WDFY1: variants seen among roughly 807,000 people sequenced by gnomAD.
WDFY1 encodes WD repeat and FYVE domain containing 1.
Under a neutral mutation model 56.4 loss-of-function variants are expected in WDFY1, and 32 were observed. The ratio of observed to expected loss-of-function variants is 0.57; its 90% CI spans 0.43 to 0.76. WDFY1 has a LOEUF of 0.76. Ranked by LOEUF, WDFY1 falls within the 30% of genes least tolerant of loss-of-function variation. WDFY1 has a pLI of 0.00. For synonymous variants in WDFY1, 192 were observed against 197.3 expected (o/e 0.97, Z 0.23); for missense variants, 480 against 545.7 (o/e 0.88, Z 1.20).
At position 223,939,025 on chromosome 2, in the gene WDFY1, C is replaced by T. The variant is rs922436473; in HGVS notation, c.137+6123G>A. On this transcript the variant is annotated intron_variant, in intron 1 of 11. Transcript: ENST00000233055. ...GCACACTACCATGCCTGGCTAATTTCTGTATTCAGTATTCTTTCTTGGTGG... is the reference window on the plus strand; with the variant it reads ...GCACACTACCATGCCTGGCTAATTTTTGTATTCAGTATTCTTTCTTGGTGG... 8.8e-4 allele frequency among the ~76,000 whole-genome samples: 133 copies of T among 151,978 alleles called. 3 individuals carry two copies. The highest frequency in any genetic ancestry group is 8.8e-5 in the Non-Finnish European group (6 of 68,006).
intron 1 of WDFY1, 25 bp from the exon 2 acceptor site, chr2:223,918,035 TA>T (rs1559171693): frequency 6.2e-7 from 1 of 1,608,028 alleles, no homozygotes; most frequent in South Asian, 1.1e-5. Flanking sequence ...AAAGAAAAAA[TA>T]GAGTAGGTTT....
intron 5 of WDFY1, among the ~76,000 whole-genome samples, chr2:223,899,992 G>A (rs539905583): frequency 6.9e-4 from 105 of 152,158 alleles, no homozygotes; most frequent in African/African-American, 2.3e-3. Flanking sequence ...TATTTGTGGC[G>A]GTAGTACATT....
At chr2:223,914,759 T>G (rs1693760948) in intron 2 of WDFY1, among the ~76,000 whole-genome samples, 1 of 152,230 alleles carries the variant, frequency 6.6e-6, no homozygotes, top group Non-Finnish European at 1.5e-5. Context: ...CTTGCATAGC[T>G]GTTGTGATGG....
intron 1 of WDFY1, among the ~76,000 whole-genome samples, chr2:223,944,349 C>T (rs956951340): frequency 9.2e-5 from 14 of 152,376 alleles, no homozygotes; most frequent in Admixed American, 9.1e-4. Flanking sequence ...GAGTACCAGG[C>T]TAAACCCCGC....
chr2:223,889,836 TG>T (rs1382204161), intron 8 of WDFY1, among the ~76,000 whole-genome samples: 2 of 152,228 alleles, frequency 1.3e-5, no homozygotes, highest in Non-Finnish European at 2.9e-5. Context: ...ATACAATAAG[TG>T]ACATCTAAGT....
At position 223,875,943 on chromosome 2, in the gene WDFY1, T is replaced by G. The variant is rs947344528; in HGVS notation, c.*2728A>C. 1 of 152,160 alleles carries G rather than the reference T, an allele frequency of 6.6e-6. No individual in the cohort carries two copies. Among genetic ancestry groups the G allele is most frequent in the Non-Finnish European group, 1.5e-5 (1 of 68,028 alleles). 9.4% of individuals were successfully genotyped at this position (152,160 alleles called of 1,614,324 possible). A position where few individuals can be genotyped will look rare whatever the true frequency, so the allele number is the denominator to read the frequency against. On this transcript the variant is annotated 3_prime_UTR_variant, in exon 12 of 12. Transcript: ENST00000233055. ...TTTAAAAATATAGGTACTAACAAAC[T>G]GAATTCTTTCATGGGAGAACAAAGT...
chr2:223,908,975 C>A (rs1165599242), intron 3 of WDFY1, among the ~76,000 whole-genome samples: 1 of 152,176 alleles, frequency 6.6e-6, no homozygotes. Context: ...CATGATTTCA[C>A]ACTGGGGTCC....
rs780389787 is a variant in WDFY1 at position 223,882,087 on chromosome 2, G to C, written c.934-15C>G. 4 of 1,610,094 alleles carry C rather than the reference G, an allele frequency of 2.5e-6. No individual in the cohort carries two copies. The highest frequency in any genetic ancestry group is 3.4e-6 in the Non-Finnish European group (4 of 1,177,800). On this transcript the variant is annotated splice_polypyrimidine_tract_variant and intron_variant, in intron 9 of 11. Coordinates refer to ENST00000233055, the MANE Select transcript of WDFY1 (RefSeq NM_020830.5). Reference sequence around the variant, plus strand: ...CTGCAGTGATGCTTCACAGGTGACCGGGAGGAGGAAAACAGGGTGTTAGCT... The same window carrying C: ...CTGCAGTGATGCTTCACAGGTGACCCGGAGGAGGAAAACAGGGTGTTAGCT...
intron 8 of WDFY1, among the ~76,000 whole-genome samples, chr2:223,890,956 A>G (rs1217209151): frequency 6.6e-6 from 1 of 152,204 alleles, no homozygotes; most frequent in East Asian, 1.9e-4. Flanking sequence ...TAGTGGTTGA[A>G]GCCACAGTGG....
At chr2:223,892,852 A>G (rs935234014) in intron 8 of WDFY1, among the ~76,000 whole-genome samples, 4 of 152,248 alleles carry the variant, frequency 2.6e-5, no homozygotes, top group Admixed American at 2.6e-4. Context: ...TCAATAAGCC[A>G]TTTATTAAAT....
At chr2:223,915,605 T>C (rs1693773961) in intron 2 of WDFY1, among the ~76,000 whole-genome samples, 1 of 152,196 alleles carries the variant, frequency 6.6e-6, no homozygotes, top group Non-Finnish European at 1.5e-5. Flanking sequence ...ATGCTAATGA[T>C]GGAGGAAGGG....
chr2:223,899,230 A>C (rs1693459456), intron 5 of WDFY1, 160 bp from the exon 6 acceptor site: 1 of 555,960 alleles, frequency 1.8e-6, no homozygotes, highest in Non-Finnish European at 3.2e-6. Flanking sequence ...GGAAACACCC[A>C]ACTGAAAAGC....
At chr2:223,934,857 G>C (rs547598654) in intron 1 of WDFY1, among the ~76,000 whole-genome samples, 2 of 152,180 alleles carry the variant, frequency 1.3e-5, no homozygotes, top group African/African-American at 4.8e-5. Context: ...ATATGTAAAT[G>C]AGTAACAGTA....
chr2:223,894,530 CTTT>C, intron 7 of WDFY1, 191 bp from the exon 8 acceptor site: 1 of 586,478 alleles, frequency 1.7e-6, no homozygotes. Flanking sequence ...CAGAATGATA[CTTT>C]CTATAAAATA....
Position 223,901,239 on chromosome 2 carries a change from C to T in WDFY1, c.429G>A (p.Thr143=), listed in dbSNP as rs2272317. 0.029 allele frequency: 46,006 copies of T among 1,613,964 alleles called. 2,893 individuals carry two copies. Among genetic ancestry groups the T allele is most frequent in the East Asian group, 0.27 (12,098 of 44,850 alleles). The part of the protein sequence containing the change: ...GHDKCVSWMC[T]RSGNMLGRHF... ...GCCTCCCGAGCATGTTCCCGCTCCG[C>T]GTGCACATCCAGCTCACACACTTGT... The change falls in exon 5 of 12, where the codon ACG becomes ACA. Residue 143 remains threonine (T), a synonymous_variant. Transcript: ENST00000233055.
intron 1 of WDFY1, among the ~76,000 whole-genome samples, chr2:223,927,342 T>G (rs1694001065): frequency 6.6e-6 from 1 of 152,252 alleles, no homozygotes; most frequent in African/African-American, 2.4e-5. Context: ...GTAATTGCTT[T>G]TGCCAATTAT....
At position 223,923,459 on chromosome 2, in the gene WDFY1, T is replaced by G. The variant is rs190462053; in HGVS notation, c.138-5449A>C. 7.2e-4 allele frequency among the ~76,000 whole-genome samples: 109 copies of G among 152,302 alleles called. 1 individual carries two copies. The highest frequency in any genetic ancestry group is 3.4e-3 in the Middle Eastern group (1 of 294). On this transcript the variant is annotated intron_variant, in intron 1 of 11. Coordinates refer to ENST00000233055, the MANE Select transcript of WDFY1 (RefSeq NM_020830.5). ...AACATAATAATAGTTTAGTAATATT[T>G]ACAGGAGCAAACTATTTCAAAGTCT...
chr2:223,942,546 T>TTTC (rs1689326375), intron 1 of WDFY1, among the ~76,000 whole-genome samples: 2 of 112,426 alleles, frequency 1.8e-5, no homozygotes, highest in South Asian at 6.3e-4. Flanking sequence ...TTTTTTTTTT[T>TTTC]GAGACGGAGT....
At chr2:223,909,085 C>T (rs1468051883) in intron 3 of WDFY1, among the ~76,000 whole-genome samples, 1 of 152,196 alleles carries the variant, frequency 6.6e-6, no homozygotes, top group Non-Finnish European at 1.5e-5. Context: ...TGCTCCTGCT[C>T]CTCAGAGGTT....
Sources: gnomAD v4.1 joint callset for allele counts (sites outside exome capture counted in the v4.1 genomes callset) on GRCh38, gnomAD v4.1.1 for gene constraint, MANE v1.5 for transcripts, NCBI Gene and HGNC (gene_info 2026-07-23, HGNC 2026-07-21) for gene names.